MPG: variants seen among roughly 807,000 people sequenced by gnomAD.
The protein encoded by MPG is DNA-3-methyladenine glycosylase.
In MPG, 33 loss-of-function variants were observed where a neutral mutation model predicts 31.7. The ratio of observed to expected loss-of-function variants is 1.04; its 90% CI spans 0.79 to 1.39. The LOEUF (loss-of-function observed/expected upper bound fraction) is 1.39, where lower values mean the gene tolerates loss of function less well. Ranked by LOEUF, MPG falls within the 40% of genes most tolerant of loss-of-function variation. The probability of loss-of-function intolerance (pLI) is 0.00; values close to 1 mark genes in which losing one functional copy is unlikely to be tolerated. For missense variants in MPG, 455 were observed against 415.5 expected (o/e 1.10, Z -0.83); for synonymous variants, 202 against 169.2 (o/e 1.19, Z -1.51).
chr16:85,487 G>C lies in MPG; in HGVS notation c.592G>C (p.Gly198Arg). Residue 198 changes from glycine (G) to arginine (R), a missense_variant, in exon 4 of 4, where the codon GGC becomes CGC. Physicochemically the swap from Gly to Arg is moderately radical, Grantham distance 125. Coordinates refer to ENST00000356432, the MANE Select transcript of MPG (RefSeq NM_001015052.3). ...MRQLRSTLRK[G>R]TASRVLKDRE... The stretch of plus-strand genomic sequence containing the variant: ...TCAGCTTCGCAGCACCCTCCGGAAA[G>C]GCACCGCCAGCCGTGTCCTCAAGGA... 6.2e-7 allele frequency: 1 copy of C among 1,613,216 alleles called. No individual in the cohort carries two copies. Among genetic ancestry groups the C allele is most frequent in the Non-Finnish European group, 8.5e-7 (1 of 1,180,032 alleles).
At chr16:77,369 T>C (rs1596481789), upstream of MPG, among the ~76,000 whole-genome samples, 1 of 152,204 alleles carries the variant, frequency 6.6e-6, no homozygotes, top group East Asian at 1.9e-4. Context: ...CCCTAGGCCC[T>C]TCCGTCCACT....
intron 3 of MPG, among the ~76,000 whole-genome samples, chr16:83,921 T>G (rs1487999653): frequency 6.6e-6 from 1 of 151,802 alleles, no homozygotes; most frequent in Non-Finnish European, 1.5e-5. Flanking sequence ...GATGGAGCAG[T>G]GGGCACAGCA....
At chr16:79,149 C>T in intron 1 of MPG, 1 of 1,512,090 alleles carries the variant, frequency 6.6e-7, no homozygotes, top group Non-Finnish European at 8.9e-7. Context: ...GTCATGCAGC[C>T]TGGGCCCCCA....
intron 3 of MPG, among the ~76,000 whole-genome samples, chr16:83,731 A>G (rs1596487758): frequency 6.9e-6 from 1 of 144,952 alleles, no homozygotes; most frequent in South Asian, 2.2e-4. Context: ...ACAGAGCGAG[A>G]CTCCATCTCA....
rs1426934964 is a variant in MPG at position 85,656 on chromosome 16, C to G, written c.761C>G (p.Ala254Gly). The G allele has an allele frequency of 6.3e-7, 1 of 1,587,328 alleles. No individual in the cohort carries two copies. The highest frequency in any genetic ancestry group is 1.3e-5 in the African/African-American group (1 of 74,446). The change falls in exon 4 of 4, where the codon GCA becomes GGA. Residue 254 changes from alanine (A) to glycine (G), a missense_variant. Ala to Gly is a moderately conservative substitution (Grantham distance 60). Coordinates refer to ENST00000356432, the MANE Select transcript of MPG (RefSeq NM_001015052.3). ...CCCAGTGAGCCGGCTGTAGTGGCAG[C>G]AGCCCGGGTGGGCGTCGGCCATGCA... The part of the protein sequence containing the change: ...LEPSEPAVVA[A>G]ARVGVGHAGE...
rs374923171 is a variant in MPG at position 83,336 on chromosome 16, T to C, written c.505+80T>C. 4 of 1,397,204 alleles carry C rather than the reference T, an allele frequency of 2.9e-6. 1 individual carries two copies. Among genetic ancestry groups the C allele is most frequent in the South Asian group, 2.5e-5 (2 of 81,544 alleles). 86.6% of individuals were successfully genotyped at this position (1,397,204 alleles called of 1,614,324 possible). A position where few individuals can be genotyped will look rare whatever the true frequency, so the allele number is the denominator to read the frequency against. ...GCAGCCAGGGGACCACTAGGAGGAC[T>C]GAGGTGGGGCCAGCATTTGAGCGAG... On this transcript the variant is annotated intron_variant, in intron 3 of 3. Coordinates refer to ENST00000356432, the MANE Select transcript of MPG (RefSeq NM_001015052.3).
In MPG at chr16:83,184, T is replaced by C; in HGVS notation, c.433T>C (p.Phe145Leu). 1 of 1,613,176 alleles carries C rather than the reference T, an allele frequency of 6.2e-7. No individual in the cohort carries two copies. The highest frequency in any genetic ancestry group is 8.5e-7 in the Non-Finnish European group (1 of 1,179,936). ...GRQTPRNRGM[F>L]MKPGTLYVYI... ...GCAGACCCCCCGCAACCGAGGCATG[T>C]TCATGAAGCCGGGGACCCTGTACGT... Residue 145 changes from phenylalanine to leucine, a missense_variant, in exon 3 of 4, where the codon TTC becomes CTC. Coordinates refer to ENST00000356432, the MANE Select transcript of MPG (RefSeq NM_001015052.3).
chr16:85,309 C>A, intron 3 of MPG, 92 bp from the exon 4 acceptor site: 1 of 1,424,830 alleles, frequency 7.0e-7, no homozygotes, highest in Non-Finnish European at 9.4e-7. Context: ...GGCAGCTGCA[C>A]CCTCCCTGCA....
chr16:79,021 A>G, intron 1 of MPG: 1 of 1,416,896 alleles, frequency 7.1e-7, no homozygotes, highest in Non-Finnish European at 9.2e-7. Context: ...CAAGGGTTGG[A>G]TGAAAGGGCA....
At chr16:82,253 CCG>C (rs1898271044) in intron 2 of MPG, among the ~76,000 whole-genome samples, 2 of 151,984 alleles carry the variant, frequency 1.3e-5, no homozygotes, top group Non-Finnish European at 1.5e-5. Context: ...GAATGCTCCC[CCG>C]GCGAGCATCT....
At position 85,670 on chromosome 16, in the gene MPG, G is replaced by A. The variant is rs765313318; in HGVS notation, c.775G>A (p.Val259Ile). 1.1e-5 allele frequency: 17 copies of A among 1,578,698 alleles called. No individual in the cohort carries two copies. Among genetic ancestry groups the A allele is most frequent in the East Asian group, 2.3e-5 (1 of 44,292 alleles). Reference sequence around the variant, plus strand: ...TGTAGTGGCAGCAGCCCGGGTGGGCGTCGGCCATGCAGGGGAGTGGGCCCG... The same window carrying A: ...TGTAGTGGCAGCAGCCCGGGTGGGCATCGGCCATGCAGGGGAGTGGGCCCG... ...PAVVAAARVG[V>I]GHAGEWARKP... The change falls in exon 4 of 4, where the codon GTC becomes ATC. Residue 259 changes from valine (V) to isoleucine (I), a missense_variant. Transcript: ENST00000356432.
intron 3 of MPG, among the ~76,000 whole-genome samples, chr16:84,049 C>G (rs1418296385): frequency 6.6e-6 from 1 of 152,034 alleles, no homozygotes; most frequent in Non-Finnish European, 1.5e-5. Flanking sequence ...GTGAAGGAGC[C>G]AGGGCACGGG....
rs2266607 is a variant in MPG at position 79,596 on chromosome 16, T to C, written c.196T>C (p.Tyr66His). The change falls in exon 2 of 4, where the codon TAC becomes CAC. Residue 66 changes from tyrosine to histidine, a missense_variant. Tyr to His is a moderately conservative substitution (Grantham distance 83). Coordinates refer to ENST00000356432, the MANE Select transcript of MPG (RefSeq NM_001015052.3). ...GGGACCGCCCACCACTCCGGGCCCATACCGCAGCATCTATTTCTCAAGCCC... is the reference window on the plus strand; with the variant it reads ...GGGACCGCCCACCACTCCGGGCCCACACCGCAGCATCTATTTCTCAAGCCC... ...CLGPPTTPGPYRSIYFSSPKG... is the reference protein window; with the variant it reads ...CLGPPTTPGPHRSIYFSSPKG... 3 of 1,608,486 alleles carry C rather than the reference T, an allele frequency of 1.9e-6. No homozygotes were observed. Among genetic ancestry groups the C allele is most frequent in the Middle Eastern group, 1.7e-4 (1 of 6,058 alleles).
chr16:79,489 C>A lies in MPG; in HGVS notation c.89C>A (p.Ser30Tyr). 2 of 1,612,794 alleles carry A rather than the reference C, an allele frequency of 1.2e-6. No homozygotes were observed. Among genetic ancestry groups the A allele is most frequent in the Non-Finnish European group, 1.7e-6 (2 of 1,179,822 alleles). The change falls in exon 2 of 4, where the codon TCC becomes TAC. Residue 30 changes from serine (S) to tyrosine (Y), a missense_variant. By Grantham distance (144) the Ser-to-Tyr change is moderately radical (BLOSUM62 -2). Transcript: ENST00000356432. ...AGAGCAGGGCAGCCACACAGCTCGT[C>A]CGACGCAGCCCAGGCACCTGCAGAG... ...PARAGQPHSS[S>Y]DAAQAPAEQP...
At chr16:78,180 T>G (rs2562162), upstream of MPG, 2,525 of 799,358 alleles carry the variant, frequency 3.2e-3, 42 homozygotes, top group African/African-American at 0.034. Context: ...ACTGCCCCCC[T>G]TCTCCCGGCT....
chr16:83,996 G>A (rs759136953), intron 3 of MPG, among the ~76,000 whole-genome samples: 20 of 152,154 alleles, frequency 1.3e-4, no homozygotes, highest in Non-Finnish European at 2.4e-4. Context: ...GTGATCAAAG[G>A]GGTCATGTTT....
upstream of MPG, among the ~76,000 whole-genome samples, chr16:77,626 G>A (rs984268251): frequency 2.0e-5 from 3 of 152,228 alleles, no homozygotes; most frequent in African/African-American, 7.2e-5. Flanking sequence ...TGGGGGCTCT[G>A]CTGCAGAGGC....
At chr16:82,998 G>C (rs1898292687) in intron 2 of MPG, 54 bp from the exon 3 acceptor site, 1 of 1,481,474 alleles carries the variant, frequency 6.8e-7, no homozygotes, top group African/African-American at 1.4e-5. Flanking sequence ...GGCACTGTTA[G>C]GGTGAGTGGA....
rs397829572 is a variant in MPG at position 78,996 on chromosome 16, T to TCTGC, written c.25-429_25-428insCTGC. ...CGACCTTGGCCCTGCTAAGATCCTG[T>TCTGC]GTTTTGAATTCTGGCAAGGGTTGGA... On this transcript the variant is annotated intron_variant, in intron 1 of 3. Coordinates refer to ENST00000356432, the MANE Select transcript of MPG (RefSeq NM_001015052.3). 630 of 1,380,590 alleles carry TCTGC rather than the reference T, an allele frequency of 4.6e-4. 7 individuals are homozygous for TCTGC. The South Asian group carries it at 8.8e-3, about 19-fold the overall frequency. The allele number at this position is 1,380,590 out of a possible 1,614,324, so 85.5% of individuals were successfully genotyped here. A position where few individuals can be genotyped will look rare whatever the true frequency, so the allele number is the denominator to read the frequency against.
Sources: allele counts gnomAD v4.1 joint callset (sites outside exome capture counted in the v4.1 genomes callset), GRCh38; gene constraint gnomAD v4.1.1; transcripts MANE v1.5; gene names NCBI Gene and HGNC (gene_info 2026-07-23, HGNC 2026-07-21).